The following RHOBTB1 variants were observed in gnomAD, a reference collection of about 807,000 sequenced individuals.
RHOBTB1 encodes the protein rho-related BTB domain-containing protein 1.
A neutral mutation model predicts 71.6 loss-of-function variants in RHOBTB1; 40 were observed. The observed-to-expected ratio is 0.56, with a 90% CI of 0.43 to 0.73. RHOBTB1 has a LOEUF of 0.73. RHOBTB1 is among the 30% of genes least tolerant of loss of function. RHOBTB1 has a pLI of 0.00. For missense variants in RHOBTB1, 797 were observed against 894.0 expected, an observed-to-expected ratio of 0.89 and a Z score of 1.38; for synonymous variants, 319 against 334.9, an observed-to-expected ratio of 0.95 and a Z score of 0.52.
At chr10:60,981,305 A>G (rs2086488823) in intron 2 of RHOBTB1, among the ~76,000 whole-genome samples, 1 of 152,204 alleles carries the variant, frequency 6.6e-6, no homozygotes, top group South Asian at 2.1e-4. Flanking sequence ...GATGATGAAA[A>G]TAATAACTGT....
chr10:60,951,011 A>G lies in RHOBTB1; in HGVS notation c.-61-9157T>C, dbSNP rs115911750. 1.6e-3 allele frequency among the ~76,000 whole-genome samples: 241 copies of G among 152,350 alleles called. 2 individuals are homozygous for G. Among genetic ancestry groups the G allele is most frequent in the Non-Finnish European group, 2.6e-3 (174 of 68,022 alleles). On this transcript the variant is annotated intron_variant, in intron 2 of 11. Coordinates refer to the RHOBTB1 transcript ENST00000357917. ...AGCTAAACTACATGCAGAAACTAGG[A>G]AAATAAGTGGACTACAAATACATAC...
rs1366183472 is a variant in RHOBTB1 at position 60,892,983 on chromosome 10, C to A, written c.309G>T (p.Val103=). ...GATTAGCAATCGAAAAACAGAGGAC[C>A]ACAACATCAGACCTAAAAGGAAATC... The part of the protein sequence containing the change: ...RRFAYGRSDV[V]VLCFSIANPN... The change falls in exon 5 of 11, where the codon GTG becomes GTT. Residue 103 remains valine, a synonymous_variant. Coordinates refer to ENST00000337910, the MANE Select transcript of RHOBTB1 (RefSeq NM_014836.5). 2 of 1,612,916 alleles carry A rather than the reference C, an allele frequency of 1.2e-6. No homozygotes were observed. Among genetic ancestry groups the A allele is most frequent in the Admixed American group, 3.3e-5 (2 of 59,848 alleles).
chr10:60,878,154 A>G, intron 7 of RHOBTB1, 96 bp from the exon 8 acceptor site: 1 of 974,136 alleles, frequency 1.0e-6, no homozygotes, highest in South Asian at 1.5e-5. Context: ...GTGTGACTTG[A>G]TATTGGTGAG....
intron 1 of RHOBTB1, among the ~76,000 whole-genome samples, chr10:60,986,221 T>G (rs73268016): frequency 0.038 from 5,792 of 151,892 alleles, 156 homozygotes; most frequent in African/African-American, 0.079. Context: ...TGGTGATGCT[T>G]CCCTCATCTT....
At chr10:60,865,445 A>G (rs2080632334), downstream of RHOBTB1, among the ~76,000 whole-genome samples, 1 of 152,198 alleles carries the variant, frequency 6.6e-6, no homozygotes, top group South Asian at 2.1e-4. Context: ...CAAGCTAGGG[A>G]AGTTTTTTAA....
intron 2 of RHOBTB1, among the ~76,000 whole-genome samples, chr10:60,924,163 C>T (rs1162115839): frequency 6.6e-6 from 1 of 151,826 alleles, no homozygotes; most frequent in African/African-American, 2.4e-5. Flanking sequence ...GTACAAGAAT[C>T]CCATTGTATC....
intron 7 of RHOBTB1, among the ~76,000 whole-genome samples, chr10:60,885,576 G>T (rs560620644): frequency 6.6e-6 from 1 of 152,206 alleles, no homozygotes; most frequent in Non-Finnish European, 1.5e-5. Context: ...GTAGCACATG[G>T]TAACCTGAAG....
At chr10:60,997,545 A>G (rs1290489821) in intron 1 of RHOBTB1, among the ~76,000 whole-genome samples, 2 of 152,250 alleles carry the variant, frequency 1.3e-5, no homozygotes, top group African/African-American at 4.8e-5. Context: ...TAAGCCATCA[A>G]TATTTTGAGG....
At chr10:60,978,373 G>T (rs1017784286) in intron 2 of RHOBTB1, among the ~76,000 whole-genome samples, 3 of 152,102 alleles carry the variant, frequency 2.0e-5, no homozygotes, top group African/African-American at 7.2e-5. Context: ...GTCTCCACTT[G>T]CATAGACATA....
chr10:60,921,527 T>TTA (rs1188441437), intron 2 of RHOBTB1, among the ~76,000 whole-genome samples: 2 of 152,356 alleles, frequency 1.3e-5, no homozygotes, highest in East Asian at 3.9e-4. Context: ...ATTATTATGT[T>TTA]TATATGCATT....
chr10:60,967,955 G>GA (rs2086026862), intron 2 of RHOBTB1, among the ~76,000 whole-genome samples: 1 of 152,072 alleles, frequency 6.6e-6, no homozygotes, highest in African/African-American at 2.4e-5. Flanking sequence ...TATGCTGGTA[G>GA]AAAAGGGGTC....
chr10:60,989,417 C>A (rs1171752236), intron 1 of RHOBTB1, among the ~76,000 whole-genome samples: 1 of 152,160 alleles, frequency 6.6e-6, no homozygotes, highest in Non-Finnish European at 1.5e-5. Context: ...CTTCCTGGTG[C>A]CTGTCCTAGT....
At position 60,911,331 on chromosome 10, in the gene RHOBTB1, A is replaced by C. The variant is rs773006432; in HGVS notation, c.192+20T>G. 6.3e-7 allele frequency: 1 copy of C among 1,596,260 alleles called. No homozygotes were observed. The highest frequency in any genetic ancestry group is 8.6e-7 in the Non-Finnish European group (1 of 1,165,844). Reference sequence around the variant, plus strand: ...CAATGATGTGCCCTAGGGATGCTGAAGACACTCTGTGCATCTTACCTCCTG... The same window carrying C: ...CAATGATGTGCCCTAGGGATGCTGACGACACTCTGTGCATCTTACCTCCTG... On this transcript the variant is annotated intron_variant, in intron 3 of 10. Coordinates refer to ENST00000337910, the MANE Select transcript of RHOBTB1 (RefSeq NM_014836.5).
chr10:60,946,803 G>T (rs915800804), upstream of RHOBTB1, among the ~76,000 whole-genome samples: 4 of 152,156 alleles, frequency 2.6e-5, no homozygotes, highest in African/African-American at 9.7e-5. Context: ...GCACACCAAG[G>T]CTCACAGGCT....
intron 4 of RHOBTB1, 102 bp from the exon 5 acceptor site, chr10:60,893,097 G>A: frequency 1.3e-6 from 1 of 786,164 alleles, no homozygotes; most frequent in Non-Finnish European, 2.0e-6. Context: ...GCCATCTCAT[G>A]TCACAATTAA....
chr10:60,917,197 CT>C (rs1470307990), intron 2 of RHOBTB1, among the ~76,000 whole-genome samples: 1 of 152,206 alleles, frequency 6.6e-6, no homozygotes, highest in East Asian at 1.9e-4. Flanking sequence ...CACAAAATGG[CT>C]TTCTCAAATT....
At chr10:60,888,158 G>T in intron 6 of RHOBTB1, 54 bp downstream of exon 6, 1 of 1,553,722 alleles carries the variant, frequency 6.4e-7, no homozygotes, top group East Asian at 2.3e-5. Context: ...TCTGGCTAAC[G>T]TTCAATGAAA....
chr10:60,926,236 A>AAAAT lies in RHOBTB1; in HGVS notation c.-10-14688_-10-14685dup, dbSNP rs1004930077. Among the ~76,000 whole-genome samples, 21 of 152,238 alleles carry AAAAT rather than the reference A, an allele frequency of 1.4e-4. No homozygotes were observed. In the South Asian group the frequency reaches 1.9e-3, roughly 14 times the overall value. ...AGGGCAACAGAGCAACACTCTGTCC[A>AAAAT]AAATAAATAAATAAATAAATATGGA... On this transcript the variant is annotated intron_variant, in intron 2 of 10. Transcript: ENST00000337910.
chr10:60,941,648 A>C (rs2134202605), intron 2 of RHOBTB1, among the ~76,000 whole-genome samples, 156 bp downstream of exon 2: 1 of 152,334 alleles, frequency 6.6e-6, no homozygotes, highest in African/African-American at 2.4e-5. Flanking sequence ...TTTAATAATC[A>C]TTGAACTTAT....
Sources: gnomAD v4.1 joint callset for allele counts (sites outside exome capture counted in the v4.1 genomes callset) on GRCh38, gnomAD v4.1.1 for gene constraint, MANE v1.5 for transcripts, NCBI Gene and HGNC (gene_info 2026-07-23, HGNC 2026-07-21) for gene names.